LPIN1: variants seen among roughly 807,000 people sequenced by gnomAD.
LPIN1 encodes phosphatidate phosphatase LPIN1.
LPIN1 carries 71 observed loss-of-function variants against 107.5 expected under a neutral mutation model. That is an observed-to-expected ratio of 0.66 (90% CI 0.55 to 0.80). LPIN1 has a LOEUF of 0.80. Among genes scored for constraint, LPIN1 ranks in the 30% least tolerant of loss-of-function variants. The pLI, the probability that LPIN1 is intolerant of heterozygous loss-of-function variation, is 0.00. For synonymous variants in LPIN1, 445 were observed against 452.6 expected, an observed-to-expected ratio of 0.98 and a Z score of 0.21; for missense variants, 1,043 against 1,160.6, an observed-to-expected ratio of 0.90 and a Z score of 1.47.
At chr2:11,754,243 T>A (rs555307546) in intron 1 of LPIN1, among the ~76,000 whole-genome samples, 4 of 152,328 alleles carry the variant, frequency 2.6e-5, no homozygotes, top group Admixed American at 2.6e-4. Flanking sequence ...CCCAGAGTGA[T>A]ATTAGGTTGG....
chr2:11,718,537 C>T lies in LPIN1; in HGVS notation c.138+4725C>T, dbSNP rs540077238. Among the ~76,000 whole-genome samples, 155 of 152,278 alleles carry T rather than the reference C, an allele frequency of 1.0e-3. 1 individual carries two copies. Among genetic ancestry groups the T allele is most frequent in the Non-Finnish European group, 1.5e-4 (10 of 68,036 alleles). ...TGTGGAGATATACTTTGAATGCTTG[C>T]ATGTCTTAATCTCTAATTTGGCTTT... On this transcript the variant is annotated intron_variant, in intron 2 of 21. Coordinates refer to the LPIN1 transcript ENST00000449576.
At chr2:11,721,277 T>TGAGATTGACAGTTACTGTACTGCATGC (rs1352887425), upstream of LPIN1, among the ~76,000 whole-genome samples, 1 of 150,666 alleles carries the variant, frequency 6.6e-6, no homozygotes, top group Non-Finnish European at 1.5e-5. Context: ...TGTGTGTGTG[T>TGAGATTGACAGTTACTGTACTGCATGC]GTGTGTGTGT....
Position 11,773,749 on chromosome 2 carries a change from A to G in LPIN1, c.722+4A>G, listed in dbSNP as rs886054798. ...GAGAGTGGTCACCCACTCCCAGGTA[A>G]GCTGTTCCCTGTTCCCCTGGCCCAG... On this transcript the variant is annotated splice_donor_region_variant and intron_variant, in intron 5 of 20. Coordinates refer to ENST00000674199, the MANE Select transcript of LPIN1 (RefSeq NM_001349206.2). The G allele has an allele frequency of 3.1e-6, 5 of 1,614,104 alleles. No individual in the cohort carries two copies. The East Asian group carries it at 8.9e-5, about 29-fold the overall frequency.
At position 11,783,414 on chromosome 2, in the gene LPIN1, CGAT is replaced by C. The variant is rs1572794903; in HGVS notation, c.1265-413_1265-411del. On this transcript the variant is annotated intron_variant, in intron 8 of 20. Coordinates refer to ENST00000674199, the MANE Select transcript of LPIN1 (RefSeq NM_001349206.2). ...GTTAACTAACTTGATCCAGGCCACACGATGGTGGATGACGGCCCTGGTTTGTGG... is the reference window on the plus strand; with the variant it reads ...GTTAACTAACTTGATCCAGGCCACACGGTGGATGACGGCCCTGGTTTGTGG... Among the ~76,000 whole-genome samples, 4 of 152,306 alleles carry C rather than the reference CGAT, an allele frequency of 2.6e-5. No individual in the cohort carries two copies. In the East Asian group the frequency reaches 7.7e-4, roughly 29 times the overall value.
chr2:11,740,819 G>T (rs1558778325), intron 1 of LPIN1, among the ~76,000 whole-genome samples: 1 of 152,086 alleles, frequency 6.6e-6, no homozygotes, highest in Non-Finnish European at 1.5e-5. Context: ...TCTTCCCAGA[G>T]ATGACAATAA....
intron 2 of LPIN1, among the ~76,000 whole-genome samples, chr2:11,766,408 G>C (rs1039081996): frequency 6.6e-6 from 1 of 152,220 alleles, no homozygotes; most frequent in African/African-American, 2.4e-5. Flanking sequence ...TGCCTGCAGG[G>C]TGGCCAATTC....
At chr2:11,759,228 A>C (rs1440094611) in intron 1 of LPIN1, among the ~76,000 whole-genome samples, 1 of 136,658 alleles carries the variant, frequency 7.3e-6, no homozygotes, top group Non-Finnish European at 1.5e-5. Context: ...TGTTTCTTGC[A>C]GAGGGGGATT....
At chr2:11,801,064 ACCCC>A (rs2148694300) in intron 14 of LPIN1, among the ~76,000 whole-genome samples, 2 of 152,200 alleles carry the variant, frequency 1.3e-5, no homozygotes, top group African/African-American at 4.8e-5. Context: ...ATAGCATCTC[ACCCC>A]AGTTAGCATG....
rs1385390242 is a variant in LPIN1 at position 11,816,785 on chromosome 2, A to G, written c.2402+1545A>G. 5 of 147,426 alleles carry G rather than the reference A, an allele frequency of 3.4e-5. No individual in the cohort carries two copies. The South Asian group carries it at 6.4e-4, about 19-fold the overall frequency. 9.1% of individuals were successfully genotyped at this position (147,426 alleles called of 1,614,324 possible). A position where few individuals can be genotyped will look rare whatever the true frequency, so the allele number is the denominator to read the frequency against. ...AATTTTACTTTAAGTTCTGGGATCC[A>G]TGTGCAGAACATGCAGGTTTTTTAC... On this transcript the variant is annotated intron_variant, in intron 18 of 20. Coordinates refer to ENST00000674199, the MANE Select transcript of LPIN1 (RefSeq NM_001349206.2).
intron 1 of LPIN1, among the ~76,000 whole-genome samples, chr2:11,762,335 G>A (rs1669973208): frequency 6.6e-6 from 1 of 150,970 alleles, no homozygotes; most frequent in South Asian, 2.1e-4. Flanking sequence ...CTTTCTTTCG[G>A]GTTCTATGGA....
chr2:11,735,878 A>C (rs1665747269), intron 1 of LPIN1, among the ~76,000 whole-genome samples: 1 of 152,220 alleles, frequency 6.6e-6, no homozygotes, highest in Non-Finnish European at 1.5e-5. Context: ...TTTTATCTTA[A>C]CTGGGTTCAA....
In LPIN1 at chr2:11,811,593, C is replaced by A. The variant is rs74661392; in HGVS notation, c.2250-3495C>A. On this transcript the variant is annotated intron_variant, in intron 17 of 20. Transcript: ENST00000674199. ...TAGCATCTTAGATCTCTGCAGGTGG[C>A]AGCTTTTAGGACTTTGATGTGAAGA... 2.6e-5 allele frequency among the ~76,000 whole-genome samples: 4 copies of A among 152,336 alleles called. No homozygotes were observed. The East Asian group carries it at 7.7e-4, about 29-fold the overall frequency.
In LPIN1 at chr2:11,765,974, A is replaced by T. The variant is rs999291295; in HGVS notation, c.192+241A>T. The stretch of plus-strand genomic sequence containing the variant: ...TCCTGTATCTGTGGGTCAGGAATTT[A>T]GGCAGAGCACAGTGGGGTGGTTTGT... On this transcript the variant is annotated intron_variant, in intron 2 of 20. Coordinates refer to ENST00000674199, the MANE Select transcript of LPIN1 (RefSeq NM_001349206.2). This position sits in a 1 kb window ranked among gnomAD's most constrained non-coding sequence, Gnocchi z 4.4. Among the ~76,000 whole-genome samples the T allele has an allele frequency of 4.5e-4, 68 of 152,360 alleles. No individual in the cohort carries two copies. Among genetic ancestry groups the T allele is most frequent in the African/African-American group, 1.6e-3 (66 of 41,588 alleles).
In LPIN1 at chr2:11,771,589, G is replaced by C. The variant is rs757303423; in HGVS notation, c.506G>C (p.Arg169Thr). 2.5e-6 allele frequency: 4 copies of C among 1,613,004 alleles called. No individual in the cohort carries two copies. In the South Asian group the frequency reaches 3.3e-5, roughly 13 times the overall value. Residue 169 changes from arginine to threonine, a missense_variant, in exon 4 of 21, where the codon AGA becomes ACA. Coordinates refer to ENST00000674199, the MANE Select transcript of LPIN1 (RefSeq NM_001349206.2). This position sits in a 1 kb window ranked among gnomAD's most constrained non-coding sequence, Gnocchi z 4.8. ...AAGTCACAGCTGGACAGCCTGAAGA[G>C]AGATGACAACATGAACACATCTGAG... ...RRKSQLDSLKRDDNMNTSEDE... is the reference protein window; with the variant it reads ...RRKSQLDSLKTDDNMNTSEDE...
intron 1 of LPIN1, chr2:11,682,957 G>A (rs554780126): frequency 6.6e-6 from 1 of 152,334 alleles, no homozygotes; most frequent in South Asian, 2.1e-4. Context: ...GCACCTTAGT[G>A]TGTAGGCTTC....
At chr2:11,734,937 C>T (rs754466223) in intron 1 of LPIN1, among the ~76,000 whole-genome samples, 1 of 152,164 alleles carries the variant, frequency 6.6e-6, no homozygotes, top group Non-Finnish European at 1.5e-5. Context: ...TGAGCTACAG[C>T]TGCACAGCTC....
intron 4 of LPIN1, among the ~76,000 whole-genome samples, chr2:11,772,241 G>A (rs1671971863): frequency 1.3e-5 from 2 of 152,178 alleles, no homozygotes; most frequent in Admixed American, 1.3e-4. Flanking sequence ...CTCACCTCCT[G>A]CCATGTGGCC....
At chr2:11,692,726 T>C (rs1244000676) in intron 1 of LPIN1, among the ~76,000 whole-genome samples, 1 of 152,168 alleles carries the variant, frequency 6.6e-6, no homozygotes, top group Non-Finnish European at 1.5e-5. Context: ...GAGAAAACCA[T>C]AGGACAAAAA....
chr2:11,785,394 G>T (rs1674379688), intron 10 of LPIN1, among the ~76,000 whole-genome samples: 1 of 152,198 alleles, frequency 6.6e-6, no homozygotes, highest in Non-Finnish European at 1.5e-5. Flanking sequence ...TGTCGGCAGC[G>T]AGAGAGAAGT....
Sources: allele counts gnomAD v4.1 joint callset (sites outside exome capture counted in the v4.1 genomes callset), GRCh38; gene constraint gnomAD v4.1.1; non-coding constraint Gnocchi (gnomAD v3.1); transcripts MANE v1.5; gene names NCBI Gene and HGNC (gene_info 2026-07-23, HGNC 2026-07-21).